Variants in ADAM12 observed in about 807,000 individuals in gnomAD.
The protein encoded by ADAM12 is ADAM metallopeptidase domain 12, also known as disintegrin and metalloproteinase domain-containing protein 12.
In ADAM12, 70 loss-of-function variants were observed where a neutral mutation model predicts 106.4. The observed-to-expected ratio is 0.66, with a 90% CI of 0.54 to 0.80. The LOEUF (loss-of-function observed/expected upper bound fraction) is 0.80, where lower values mean the gene tolerates loss of function less well. ADAM12 is among the 30% of genes least tolerant of loss of function. The pLI, the probability that ADAM12 is intolerant of heterozygous loss-of-function variation, is 0.00. For synonymous variants in ADAM12, 420 were observed against 433.5 expected, an observed-to-expected ratio of 0.97 and a Z score of 0.39; for missense variants, 1,010 against 1,171.9, an observed-to-expected ratio of 0.86 and a Z score of 2.02.
intron 12 of ADAM12, among the ~76,000 whole-genome samples, chr10:126,068,294 TGA>T (rs2133489024): frequency 6.6e-6 from 1 of 152,348 alleles, no homozygotes; most frequent in East Asian, 1.9e-4. Flanking sequence ...GCTCTATGGA[TGA>T]CACATTTACC....
intron 1 of ADAM12, among the ~76,000 whole-genome samples, chr10:126,370,555 T>C (rs575905895): frequency 5.3e-4 from 80 of 152,330 alleles, no homozygotes; most frequent in Non-Finnish European, 9.6e-4. Context: ...TCTCCAGTCC[T>C]GTTTTTCCTG....
intron 11 of ADAM12, among the ~76,000 whole-genome samples, chr10:126,090,254 T>A (rs966763703): frequency 1.4e-5 from 2 of 147,548 alleles, no homozygotes; most frequent in Non-Finnish European, 3.0e-5. Context: ...CAGATTCACC[T>A]ACCCCACCCG....
intron 3 of ADAM12, among the ~76,000 whole-genome samples, chr10:126,209,458 T>C (rs73382624): frequency 0.093 from 14,115 of 152,220 alleles, 1,231 homozygotes; most frequent in African/African-American, 0.22. Flanking sequence ...GGATAATTGA[T>C]GGTGAGAAAA....
At chr10:126,168,531 C>T (rs1277837696) in intron 3 of ADAM12, among the ~76,000 whole-genome samples, 5 of 152,074 alleles carry the variant, frequency 3.3e-5, no homozygotes, top group African/African-American at 9.7e-5. Context: ...TTAATAAGTC[C>T]GCTGGCTTCC....
chr10:126,062,117 C>A (rs921648079), intron 14 of ADAM12, among the ~76,000 whole-genome samples: 1 of 152,170 alleles, frequency 6.6e-6, no homozygotes, highest in African/African-American at 2.4e-5. Flanking sequence ...GCAGGACAGA[C>A]CAAAACCCAG....
Position 126,064,945 on chromosome 10 carries a change from C to T in ADAM12, c.1470G>A (p.Glu490=), listed in dbSNP as rs1590359671. 2 of 1,613,234 alleles carry T rather than the reference C, an allele frequency of 1.2e-6. No individual in the cohort carries two copies. The highest frequency in any genetic ancestry group is 8.5e-7 in the Non-Finnish European group (1 of 1,179,758). ...AGTGAGGGCTGGCCCCTGTGCAGAACTCTGGGAGGTCACAGGAGTTGCTGG... is the reference window on the plus strand; with the variant it reads ...AGTGAGGGCTGGCCCCTGTGCAGAATTCTGGGAGGTCACAGGAGTTGCTGG... The part of the protein sequence containing the change: ...RDSSNSCDLP[E]FCTGASPHCP... The change falls in exon 14 of 23, where the codon GAG becomes GAA. Residue 490 remains glutamate (E), a synonymous_variant. Transcript: ENST00000448723. This position sits in a 1 kb window ranked among gnomAD's most constrained non-coding sequence, Gnocchi z 4.4.
At chr10:126,312,294 G>A (rs1467399729) in intron 2 of ADAM12, among the ~76,000 whole-genome samples, 1 of 152,076 alleles carries the variant, frequency 6.6e-6, no homozygotes, top group East Asian at 1.9e-4. Context: ...TGGGTGCAGA[G>A]GGAACCCGAC....
intron 11 of ADAM12, among the ~76,000 whole-genome samples, chr10:126,091,232 T>C (rs1312137747): frequency 6.6e-6 from 1 of 152,244 alleles, no homozygotes; most frequent in Admixed American, 6.5e-5. Flanking sequence ...ATTTACAATT[T>C]ACAGACATGT....
rs1955513145 is a variant in ADAM12, at chr10:126,094,094, C to T, written c.1036G>A (p.Ala346Thr). The change falls in exon 11 of 23, where the codon GCA (alanine) becomes ACA (threonine). Residue 346 changes from alanine (A) to threonine (T), a missense_variant. By Grantham distance (58) the Ala-to-Thr change is moderately conservative. This residue lies in a region of ADAM12 where 391 missense variants were observed against 442.9 expected (regional missense o/e 0.88). Transcript: ENST00000448723. ...DNPLGAAVTLAHELGHNFGMN... is the reference protein window; with the variant it reads ...DNPLGAAVTLTHELGHNFGMN... Reference sequence around the variant, plus strand: ...CCGAAATTGTGGCCCAGCTCATGTGCCAGGGTCACGGCTGCACCAAGGGGA... The same window carrying T: ...CCGAAATTGTGGCCCAGCTCATGTGTCAGGGTCACGGCTGCACCAAGGGGA... The T allele has an allele frequency of 1.2e-6, 2 of 1,614,006 alleles. No homozygotes were observed. The highest frequency in any genetic ancestry group is 1.1e-5 in the South Asian group (1 of 91,074).
At chr10:126,286,755 C>T (rs1259090695) in intron 2 of ADAM12, among the ~76,000 whole-genome samples, 2 of 152,092 alleles carry the variant, frequency 1.3e-5, no homozygotes, top group Non-Finnish European at 2.9e-5. Context: ...TGGATTGGGG[C>T]CTGTTTGTTA....
rs138497636 is a variant in ADAM12 at position 126,077,925 on chromosome 10, A to G, written c.1146-6271T>C. 4.8e-3 allele frequency among the ~76,000 whole-genome samples: 731 copies of G among 152,318 alleles called. 6 individuals are homozygous for G. The highest frequency in any genetic ancestry group is 0.016 in the African/African-American group (669 of 41,566). ...CAAGACACAGAACTAAGTATGGAAA[A>G]CTTACAGCAAACCCAATGACTGCCC... On this transcript the variant is annotated intron_variant, in intron 11 of 22. Coordinates refer to ENST00000448723, the MANE Select transcript of ADAM12 (RefSeq NM_001288973.2).
chr10:126,195,316 T>C (rs1957576805), intron 3 of ADAM12, among the ~76,000 whole-genome samples: 2 of 152,210 alleles, frequency 1.3e-5, no homozygotes, highest in South Asian at 4.1e-4. Context: ...GGCTCATGTG[T>C]ATAATCCCAG....
At chr10:126,369,872 C>CT (rs1191983982) in intron 1 of ADAM12, among the ~76,000 whole-genome samples, 2 of 152,142 alleles carry the variant, frequency 1.3e-5, no homozygotes, top group African/African-American at 4.8e-5. Flanking sequence ...GGTTAAGAGA[C>CT]TTAGTGACTT....
chr10:126,320,197 C>CA (rs1854047083), intron 2 of ADAM12, among the ~76,000 whole-genome samples: 1 of 152,158 alleles, frequency 6.6e-6, no homozygotes, highest in Admixed American at 6.5e-5. Context: ...CAGGCGGTAA[C>CA]AAAAAATGCT....
chr10:126,314,147 C>A (rs1355163003), intron 2 of ADAM12, among the ~76,000 whole-genome samples: 1 of 152,144 alleles, frequency 6.6e-6, no homozygotes, highest in Admixed American at 6.6e-5. Flanking sequence ...TCACCACCGA[C>A]CTGAGCAGGT....
At chr10:126,156,848 G>C (rs1464868747) in intron 3 of ADAM12, among the ~76,000 whole-genome samples, 1 of 152,222 alleles carries the variant, frequency 6.6e-6, no homozygotes, top group East Asian at 1.9e-4. Context: ...TGGGGAGCTG[G>C]GCTGGTGGAA....
At chr10:126,051,011 AC>A (rs1954468066) in intron 14 of ADAM12, among the ~76,000 whole-genome samples, 1 of 151,886 alleles carries the variant, frequency 6.6e-6, no homozygotes, top group African/African-American at 2.4e-5. Flanking sequence ...CATCTGTTCC[AC>A]ATCTGCCTTG....
intron 20 of ADAM12, 29 bp from the exon 21 acceptor site, chr10:126,036,354 A>C: frequency 6.4e-7 from 1 of 1,555,418 alleles, no homozygotes; most frequent in Admixed American, 2.1e-5. Flanking sequence ...AAGCCATGCT[A>C]TAGCGGGTTT....
chr10:126,135,390 G>A, intron 5 of ADAM12, 194 bp downstream of exon 5: 1 of 580,542 alleles, frequency 1.7e-6, no homozygotes, highest in Non-Finnish European at 3.1e-6. Flanking sequence ...TGAACATGAG[G>A]CTAAGATCCT....
Sources: allele counts gnomAD v4.1 joint callset (sites outside exome capture counted in the v4.1 genomes callset), GRCh38; gene constraint gnomAD v4.1.1; regional missense constraint gnomAD v4.1.1; non-coding constraint Gnocchi (gnomAD v3.1); transcripts MANE v1.5; gene names NCBI Gene and HGNC (gene_info 2026-07-23, HGNC 2026-07-21).